ENTHD1: variants seen among roughly 807,000 people sequenced by gnomAD.
The protein encoded by ENTHD1 is ENTH domain containing 1, also known as ENTH domain-containing protein 1.
Under a neutral mutation model 39.1 loss-of-function variants are expected in ENTHD1, and 23 were observed. That is an observed-to-expected ratio of 0.59 (90% CI 0.42 to 0.83). ENTHD1 has a LOEUF of 0.83. Ranked by LOEUF, ENTHD1 falls within the 40% of genes least tolerant of loss-of-function variation. ENTHD1 has a pLI of 0.00. For synonymous variants in ENTHD1, 230 were observed against 258.2 expected, an observed-to-expected ratio of 0.89 and a Z score of 1.05; for missense variants, 624 against 705.4, an observed-to-expected ratio of 0.88 and a Z score of 1.31.
intron 2 of ENTHD1, among the ~76,000 whole-genome samples, chr22:39,871,801 T>C (rs1366204290): frequency 1.3e-5 from 2 of 152,240 alleles, no homozygotes; most frequent in African/African-American, 4.8e-5. Context: ...ATTCAACTAT[T>C]TTAAATAAAA....
At chr22:39,875,764 T>C (rs2066284043) in intron 2 of ENTHD1, 7 of 1,613,392 alleles carry the variant, frequency 4.3e-6, no homozygotes, top group Non-Finnish European at 5.9e-6. Flanking sequence ...AGTTATCCGA[T>C]ATTCCAGAAG....
Position 39,774,329 on chromosome 22 carries a change from T to C in ENTHD1, c.833-8720A>G, listed in dbSNP as rs1601585464. Reference sequence around the variant, plus strand: ...ATGTCATCTATTATTATACTTACACTAGATCTAGATGGTCACCTGTGGGCA... The same window carrying C: ...ATGTCATCTATTATTATACTTACACCAGATCTAGATGGTCACCTGTGGGCA... On this transcript the variant is annotated intron_variant, in intron 5 of 6. Coordinates refer to ENST00000325157, the MANE Select transcript of ENTHD1 (RefSeq NM_152512.4). Among the ~76,000 whole-genome samples the C allele has an allele frequency of 2.6e-5, 4 of 152,272 alleles. 1 individual carries two copies. Among genetic ancestry groups the C allele is most frequent in the Admixed American group, 2.6e-4 (4 of 15,304 alleles).
intron 5 of ENTHD1, among the ~76,000 whole-genome samples, chr22:39,772,501 T>C (rs2065334849): frequency 6.6e-6 from 1 of 152,202 alleles, no homozygotes; most frequent in Non-Finnish European, 1.5e-5. Context: ...ATTTAATCCC[T>C]TGGTATAACT....
At chr22:39,875,115 A>G (rs1046616465) in intron 2 of ENTHD1, among the ~76,000 whole-genome samples, 2 of 152,252 alleles carry the variant, frequency 1.3e-5, no homozygotes, top group South Asian at 2.1e-4. Flanking sequence ...TGGTATGCAC[A>G]TACAATTGAA....
chr22:39,886,539 C>G (rs2066380507), intron 2 of ENTHD1, among the ~76,000 whole-genome samples: 1 of 152,090 alleles, frequency 6.6e-6, no homozygotes, highest in South Asian at 2.1e-4. Context: ...GCATAATTTT[C>G]CTGTAAACCT....
At chr22:39,882,890 C>T (rs1406526951) in intron 2 of ENTHD1, among the ~76,000 whole-genome samples, 2 of 150,826 alleles carry the variant, frequency 1.3e-5, no homozygotes, top group Non-Finnish European at 2.9e-5. Context: ...GTAGTCCCAG[C>T]TACTTGGGAG....
intron 1 of ENTHD1, 61 bp from the exon 2 acceptor site, chr22:39,887,964 A>G: frequency 2.3e-6 from 1 of 442,454 alleles, no homozygotes; most frequent in Non-Finnish European, 4.0e-6. Context: ...AGAAGACCAA[A>G]TCAATCTGAA....
Position 39,743,900 on chromosome 22 carries a change from T to C in ENTHD1, c.1603A>G (p.Thr535Ala), listed in dbSNP as rs371676480. Reference sequence around the variant, plus strand: ...TCAGGTTCCTGGGGGAAGTCTTTGGTTGACTGAAAACCAGAACAGGACAGA... The same window carrying C: ...TCAGGTTCCTGGGGGAAGTCTTTGGCTGACTGAAAACCAGAACAGGACAGA... Reference protein sequence around the residue: ...IPLSCSGFQSTKDFPQEPEAK... With the variant: ...IPLSCSGFQSAKDFPQEPEAK... The change falls in exon 7 of 7, where the codon ACC becomes GCC. Residue 535 changes from threonine to alanine, a missense_variant. Transcript: ENST00000325157. 3.1e-6 allele frequency: 5 copies of C among 1,614,140 alleles called. No individual in the cohort carries two copies. The South Asian group carries it at 3.3e-5, about 11-fold the overall frequency.
At chr22:39,884,420 T>A (rs2066364605) in intron 2 of ENTHD1, among the ~76,000 whole-genome samples, 1 of 152,148 alleles carries the variant, frequency 6.6e-6, no homozygotes, top group Non-Finnish European at 1.5e-5. Flanking sequence ...CCTCAAGTGA[T>A]CTGCCTGCCT....
chr22:39,853,773 C>T (rs570456000), intron 3 of ENTHD1, among the ~76,000 whole-genome samples: 20 of 152,202 alleles, frequency 1.3e-4, no homozygotes, highest in African/African-American at 4.8e-4. Context: ...AGGGGTTTCA[C>T]CATGTTGGCC....
intron 3 of ENTHD1, among the ~76,000 whole-genome samples, chr22:39,848,249 A>T (rs1236257417): frequency 6.6e-6 from 1 of 151,384 alleles, no homozygotes; most frequent in East Asian, 1.9e-4. Flanking sequence ...ATTTTTTTTT[A>T]ATTAATTAAT....
chr22:39,888,652 T>A (rs1277805317), intron 1 of ENTHD1, among the ~76,000 whole-genome samples: 1 of 152,116 alleles, frequency 6.6e-6, no homozygotes, highest in Non-Finnish European at 1.5e-5. Flanking sequence ...GGTCTCAAAC[T>A]CCTGACCTTG....
intron 2 of ENTHD1, among the ~76,000 whole-genome samples, chr22:39,874,865 CTAAGTGTTGA>C (rs1569178378): frequency 6.6e-6 from 1 of 152,088 alleles, no homozygotes; most frequent in Non-Finnish European, 1.5e-5. Context: ...AATAACATTC[CTAAGTGTTGA>C]TAAGGATGTG....
At chr22:39,761,405 A>G (rs1222030287) in intron 6 of ENTHD1, among the ~76,000 whole-genome samples, 1 of 152,168 alleles carries the variant, frequency 6.6e-6, no homozygotes, top group Non-Finnish European at 1.5e-5. Context: ...GTGTCTAGAC[A>G]TAGTGTTTTT....
intron 5 of ENTHD1, among the ~76,000 whole-genome samples, chr22:39,819,895 A>T (rs1157861349): frequency 6.6e-6 from 1 of 152,204 alleles, no homozygotes; most frequent in Non-Finnish European, 1.5e-5. Flanking sequence ...TTTTAGGAGA[A>T]AAAACTGTCA....
At chr22:39,815,975 G>A (rs2065730649) in intron 5 of ENTHD1, among the ~76,000 whole-genome samples, 1 of 152,172 alleles carries the variant, frequency 6.6e-6, no homozygotes, top group Admixed American at 6.5e-5. Flanking sequence ...GGAATAATGA[G>A]TAAAGAGAGG....
chr22:39,826,534 C>T (rs978137783), intron 4 of ENTHD1, among the ~76,000 whole-genome samples: 2 of 151,860 alleles, frequency 1.3e-5, no homozygotes, highest in Non-Finnish European at 2.9e-5. Context: ...CAAACCTTTC[C>T]TCTTTTCTAC....
intron 5 of ENTHD1, among the ~76,000 whole-genome samples, chr22:39,815,503 A>C (rs566870575): frequency 6.6e-6 from 1 of 152,118 alleles, no homozygotes; most frequent in South Asian, 2.1e-4. Flanking sequence ...AATAGACTGG[A>C]TTTTTCTAGG....
At chr22:39,803,540 T>C (rs533425476) in intron 5 of ENTHD1, among the ~76,000 whole-genome samples, 10 of 152,248 alleles carry the variant, frequency 6.6e-5, no homozygotes, top group African/African-American at 1.9e-4. Flanking sequence ...CATAAATCCA[T>C]GCTGATTACA....
Sources: gnomAD v4.1 joint callset for allele counts (sites outside exome capture counted in the v4.1 genomes callset) on GRCh38, gnomAD v4.1.1 for gene constraint, MANE v1.5 for transcripts, NCBI Gene and HGNC (gene_info 2026-07-23, HGNC 2026-07-21) for gene names.